Variants in AHI1 observed in about 807,000 individuals in gnomAD.
The protein encoded by AHI1 is Abelson helper integration site 1, also known as jouberin.
In AHI1, 123 loss-of-function variants were observed where a neutral mutation model predicts 149.3. The observed-to-expected ratio is 0.82, with a 90% CI of 0.71 to 0.96. AHI1 has a LOEUF of 0.96. Ranked by LOEUF, AHI1 falls within the 40% of genes least tolerant of loss-of-function variation. AHI1 has a pLI of 0.00. For synonymous variants in AHI1, 475 were observed against 459.8 expected, an observed-to-expected ratio of 1.03 and a Z score of -0.42; for missense variants, 1,439 against 1,422.7, an observed-to-expected ratio of 1.01 and a Z score of -0.18.
chr6:135,417,142 A>C (rs913687671), intron 20 of AHI1, among the ~76,000 whole-genome samples: 1 of 152,072 alleles, frequency 6.6e-6, no homozygotes, highest in Non-Finnish European at 1.5e-5. Flanking sequence ...AAATAAACAA[A>C]TGCATATCAT....
intron 18 of AHI1, 123 bp from the exon 19 acceptor site, chr6:135,428,882 A>C: frequency 1.2e-6 from 1 of 809,604 alleles, no homozygotes; most frequent in Non-Finnish European, 1.9e-6. Flanking sequence ...AATCTGCCAT[A>C]TGGGAGACAT....
chr6:135,286,231 T>C (rs1400919626), intron 28 of AHI1, among the ~76,000 whole-genome samples: 3 of 152,202 alleles, frequency 2.0e-5, no homozygotes, highest in African/African-American at 7.2e-5. Flanking sequence ...TAAAACAAAT[T>C]ATACAATTCA....
In AHI1 at chr6:135,479,582, C is replaced by T. The variant is rs189517685; in HGVS notation, c.135+11041G>A. On this transcript the variant is annotated intron_variant, in intron 5 of 28. Transcript: ENST00000265602. ...CACATTGTATCTTGGAAGTAACTAA[C>T]TTTTTTTTTATTTTACAGGCTCATA... 9.0e-4 allele frequency among the ~76,000 whole-genome samples: 137 copies of T among 151,916 alleles called. 2 individuals are homozygous for T. Among genetic ancestry groups the T allele is most frequent in the African/African-American group, 2.9e-3 (121 of 41,440 alleles).
At position 135,290,476 on chromosome 6, in the gene AHI1, C is replaced by A. The variant is rs188583221; in HGVS notation, c.3535G>T (p.Asp1179Tyr). Residue 1179 changes from aspartate (D) to tyrosine (Y), a missense_variant, in exon 28 of 29, where the codon GAT becomes TAT. By Grantham distance (160) the Asp-to-Tyr change is radical (BLOSUM62 -3). Coordinates refer to ENST00000265602, the MANE Select transcript of AHI1 (RefSeq NM_001134831.2). The part of the protein sequence containing the change: ...QSHEDQGHIM[D>Y]TRMRKNKQAG... The stretch of plus-strand genomic sequence containing the variant: ...TGCTTGTTCTTCCTCATCCGTGTAT[C>A]CATTATGTGTCCTTGGTCCTCATGG... The A allele has an allele frequency of 1.5e-4, 238 of 1,613,662 alleles. No homozygotes were observed. The East Asian group carries it at 2.7e-3, about 18-fold the overall frequency.
At chr6:135,439,558 T>C (rs1326456532) in intron 14 of AHI1, among the ~76,000 whole-genome samples, 1 of 152,098 alleles carries the variant, frequency 6.6e-6, no homozygotes, top group East Asian at 1.9e-4. Flanking sequence ...GTTCTTGATT[T>C]AAAAAGGAAA....
intron 8 of AHI1, among the ~76,000 whole-genome samples, chr6:135,461,048 G>GA (rs531827741): frequency 6.6e-6 from 1 of 150,580 alleles, no homozygotes; most frequent in Non-Finnish European, 1.5e-5. Flanking sequence ...ACCATCAAAG[G>GA]AAAAAAATGG....
chr6:135,294,077 C>G (rs1284526194), intron 27 of AHI1, among the ~76,000 whole-genome samples: 1 of 152,152 alleles, frequency 6.6e-6, no homozygotes, highest in Non-Finnish European at 1.5e-5. Flanking sequence ...GTAATCCCAG[C>G]ACTTGGGGAG....
intron 5 of AHI1, among the ~76,000 whole-genome samples, chr6:135,477,593 G>T (rs1792890815): frequency 6.6e-6 from 1 of 152,096 alleles, no homozygotes; most frequent in East Asian, 1.9e-4. Flanking sequence ...ATATCCCCTT[G>T]CTGTTCTCGT....
At chr6:135,339,256 T>C (rs1005176883) in intron 24 of AHI1, among the ~76,000 whole-genome samples, 1 of 152,154 alleles carries the variant, frequency 6.6e-6, no homozygotes, top group Non-Finnish European at 1.5e-5. Context: ...CATTATATAA[T>C]CTCAAATATC....
At position 135,455,927 on chromosome 6, in the gene AHI1, C is replaced by T. The variant is rs1344854036; in HGVS notation, c.1152-1G>A. The T allele has an allele frequency of 1.4e-6, 2 of 1,424,752 alleles. No homozygotes were observed. Among genetic ancestry groups the T allele is most frequent in the Non-Finnish European group, 1.9e-6 (2 of 1,077,738 alleles). The allele number at this position is 1,424,752 out of a possible 1,614,324, so 88.3% of individuals were successfully genotyped here. On this transcript the variant is annotated splice_acceptor_variant, in intron 9 of 28. Transcript: ENST00000265602. LOFTEE classifies it high-confidence loss of function. ...ATAGTAAGATGAAACAGGCCGTCCA[C>T]TGTACAAAAAAAGATACTTCCATTA...
intron 13 of AHI1, among the ~76,000 whole-genome samples, chr6:135,444,756 C>T (rs1288844522): frequency 2.6e-5 from 4 of 152,340 alleles, no homozygotes; most frequent in Non-Finnish European, 5.9e-5. Flanking sequence ...TCTAGATTTT[C>T]GTAAGTGCCT....
chr6:135,309,892 A>G (rs1784959976), intron 26 of AHI1, among the ~76,000 whole-genome samples: 1 of 152,218 alleles, frequency 6.6e-6, no homozygotes, highest in South Asian at 2.1e-4. Context: ...AAAGTAAGAA[A>G]ACTTCAAATA....
chr6:135,448,252 A>G (rs917715219), intron 12 of AHI1, 38 bp downstream of exon 12: 2 of 1,367,574 alleles, frequency 1.5e-6, no homozygotes, highest in South Asian at 2.0e-5. Context: ...TAATTTCAAC[A>G]CTAGATGATA....
chr6:135,459,762 T>G, intron 8 of AHI1, among the ~76,000 whole-genome samples: 1 of 147,134 alleles, frequency 6.8e-6, no homozygotes, highest in East Asian at 2.0e-4. Context: ...AAAAAAAGAT[T>G]GATAATAAAG....
At chr6:135,296,404 T>C (rs1040864264) in intron 27 of AHI1, among the ~76,000 whole-genome samples, 2 of 152,336 alleles carry the variant, frequency 1.3e-5, no homozygotes, top group South Asian at 2.1e-4. Context: ...CTGTGTTTAA[T>C]GGCTTCCTAC....
At chr6:135,419,357 G>A (rs1041210524) in intron 20 of AHI1, among the ~76,000 whole-genome samples, 12 of 152,014 alleles carry the variant, frequency 7.9e-5, no homozygotes, top group Admixed American at 2.6e-4. Flanking sequence ...AACTGAAAAT[G>A]TGTCATACAT....
At chr6:135,344,551 A>T (rs574783976) in intron 24 of AHI1, among the ~76,000 whole-genome samples, 1 of 152,102 alleles carries the variant, frequency 6.6e-6, no homozygotes, top group Non-Finnish European at 1.5e-5. Context: ...TGTTTTCTGC[A>T]GAATGCCTAT....
intron 23 of AHI1, among the ~76,000 whole-genome samples, chr6:135,391,095 G>C (rs1238620060): frequency 6.6e-6 from 1 of 152,094 alleles, no homozygotes. Flanking sequence ...TAGACTAATA[G>C]CTTAATGAAC....
chr6:135,303,401 T>C (rs146125280), intron 26 of AHI1, among the ~76,000 whole-genome samples: 1 of 152,256 alleles, frequency 6.6e-6, no homozygotes, highest in Non-Finnish European at 1.5e-5. Context: ...CTTTTCCATA[T>C]AATTTCATAG....
Sources: allele counts gnomAD v4.1 joint callset (sites outside exome capture counted in the v4.1 genomes callset), GRCh38; gene constraint gnomAD v4.1.1; transcripts MANE v1.5; gene names NCBI Gene and HGNC (gene_info 2026-07-23, HGNC 2026-07-21).